Variants in SLC19A3 observed in about 807,000 individuals in gnomAD.
The protein encoded by SLC19A3 is thiamine transporter 2.
In SLC19A3, 31 loss-of-function variants were observed where a neutral mutation model predicts 40.2. The ratio of observed to expected loss-of-function variants is 0.77; its 90% CI spans 0.58 to 1.04. The LOEUF is 1.04. SLC19A3 is among the 50% of genes least tolerant of loss of function. The pLI is 0.00. For synonymous variants in SLC19A3, 212 were observed against 227.5 expected (o/e 0.93, Z 0.61); for missense variants, 592 against 596.7 (o/e 0.99, Z 0.08).
intron 1 of SLC19A3, 79 bp downstream of exon 1, chr2:227,717,864 G>C: frequency 2.6e-5 from 25 of 971,270 alleles, no homozygotes; most frequent in Non-Finnish European, 3.1e-5. Flanking sequence ...CTCCAAACCC[G>C]GGAAGAGAGA....
At chr2:227,688,097 A>G in intron 5 of SLC19A3, 69 bp downstream of exon 5, 1 of 1,526,284 alleles carries the variant, frequency 6.6e-7, no homozygotes. Flanking sequence ...AGAAATTTAA[A>G]TATTGCTTGT....
intron 3 of SLC19A3, among the ~76,000 whole-genome samples, chr2:227,696,940 C>T (rs1298651377): frequency 6.6e-6 from 1 of 152,092 alleles, no homozygotes; most frequent in Non-Finnish European, 1.5e-5. Flanking sequence ...TGGCGGGCAC[C>T]TGCAATCCCA....
intron 1 of SLC19A3, among the ~76,000 whole-genome samples, chr2:227,710,980 G>A (rs1696115645): frequency 6.6e-6 from 1 of 152,132 alleles, no homozygotes; most frequent in South Asian, 2.1e-4. Flanking sequence ...TACTAAAATA[G>A]AAGAGAATAT....
chr2:227,690,605 G>A (rs1250335830), intron 4 of SLC19A3, among the ~76,000 whole-genome samples: 1 of 149,642 alleles, frequency 6.7e-6, no homozygotes, highest in Non-Finnish European at 1.5e-5. Flanking sequence ...TACTCGGGAG[G>A]CTGAGGCAGG....
At chr2:227,715,678 A>G (rs113805837) in intron 1 of SLC19A3, among the ~76,000 whole-genome samples, 1,839 of 152,296 alleles carry the variant, frequency 0.012, 41 homozygotes, top group African/African-American at 0.042. Flanking sequence ...AGTCTTAGGG[A>G]GAGCAGGAGG....
rs146636922 is a variant in SLC19A3, at chr2:227,696,074, C to T, written c.987G>A (p.Val329=). 85 of 1,531,958 alleles carry T rather than the reference C, an allele frequency of 5.5e-5. 1 individual carries two copies. The African/African-American group carries it at 1.3e-3, about 23-fold the overall frequency. The allele number at this position is 1,531,958 out of a possible 1,614,324, so 94.9% of individuals were successfully genotyped here. A position where few individuals can be genotyped will look rare whatever the true frequency, so the allele number is the denominator to read the frequency against. The change falls in exon 4 of 6, where the codon GTG becomes GTA. Residue 329 remains valine, a synonymous_variant. Transcript: ENST00000644224. ...VEAIATFGGA[V]AAFAVGYVKV... Reference sequence around the variant, plus strand: ...TCACATAACCCACTGCAAAGGCAGCCACAGCCCCTGAAAAAAAACATTGAA... The same window carrying T: ...TCACATAACCCACTGCAAAGGCAGCTACAGCCCCTGAAAAAAAACATTGAA...
chr2:227,706,837 T>C (rs1393194333), intron 1 of SLC19A3: 1 of 152,372 alleles, frequency 6.6e-6, no homozygotes, highest in African/African-American at 2.4e-5. Flanking sequence ...ATTTGAAACA[T>C]GCAGTGAAGA....
intron 1 of SLC19A3, among the ~76,000 whole-genome samples, chr2:227,707,118 A>C (rs1695974392): frequency 6.6e-6 from 1 of 152,160 alleles, no homozygotes; most frequent in South Asian, 2.1e-4. Context: ...ACCCTGTTGC[A>C]GCACACCACA....
At chr2:227,708,977 G>A (rs540267005) in intron 1 of SLC19A3, among the ~76,000 whole-genome samples, 94 of 152,238 alleles carry the variant, frequency 6.2e-4, no homozygotes, top group Non-Finnish European at 1.1e-3. Context: ...CAATGTTCAC[G>A]TATTGTTCAT....
rs76478296 is a variant in SLC19A3 at position 227,692,730 on chromosome 2, G to A, written c.1172+3159C>T. 3.8e-4 allele frequency among the ~76,000 whole-genome samples: 58 copies of A among 152,270 alleles called. 2 individuals are homozygous for A. In the East Asian group the frequency reaches 0.011, roughly 29 times the overall value. On this transcript the variant is annotated intron_variant, in intron 4 of 5. Coordinates refer to ENST00000644224, the MANE Select transcript of SLC19A3 (RefSeq NM_025243.4). ...CAATCAGACAAGAGAAAGAAATAAA[G>A]GGCATCCACATTGGAAAGGATCAAG...
chr2:227,717,824 G>A (rs1007673316), intron 1 of SLC19A3, 119 bp downstream of exon 1: 15 of 782,490 alleles, frequency 1.9e-5, no homozygotes, highest in Middle Eastern at 6.3e-4. Flanking sequence ...TGTAGCCCAG[G>A]CCCGCAGAGC....
At chr2:227,697,299 G>A (rs1695476060) in intron 3 of SLC19A3, among the ~76,000 whole-genome samples, 1 of 152,086 alleles carries the variant, frequency 6.6e-6, no homozygotes, top group Non-Finnish European at 1.5e-5. Flanking sequence ...GAGGTCACAC[G>A]GGTTTTCTAA....
rs1277440566 is a variant in SLC19A3, at chr2:227,686,140, T to A, written c.*1257A>T. ...TGAACTCAGGAGGTGAAGTTTGCAG[T>A]GAGCCAAGATCACGCCATTGCATTC... On this transcript the variant is annotated 3_prime_UTR_variant, in exon 6 of 6. Transcript: ENST00000644224. 2.2e-6 allele frequency: 1 copy of A among 448,472 alleles called. No homozygotes were observed. The highest frequency in any genetic ancestry group is 4.5e-6 in the Non-Finnish European group (1 of 223,106). The allele number at this position is 448,472 out of a possible 1,614,324, so 27.8% of individuals were successfully genotyped here.
intron 1 of SLC19A3, 124 bp downstream of exon 1, chr2:227,717,819 C>T: frequency 1.3e-6 from 1 of 751,188 alleles, no homozygotes; most frequent in Non-Finnish European, 1.6e-6. Context: ...CAGAGTGTAG[C>T]CCAGGCCCGC....
chr2:227,688,207 C>T lies in SLC19A3; in HGVS notation c.1273G>A (p.Val425Ile), dbSNP rs1695092033. 6.2e-7 allele frequency: 1 copy of T among 1,614,084 alleles called. No individual in the cohort carries two copies. The highest frequency in any genetic ancestry group is 8.5e-7 in the Non-Finnish European group (1 of 1,179,978). ...LVIQTIMTVI[V>I]VDQRGLNLPV... ...AAGTTGAGCCCTCTCTGATCTACTA[C>T]AATCACAGTCATGATGGTCTGAATC... is the stretch of plus-strand genomic sequence containing the variant. The change falls in exon 5 of 6, where the codon GTA becomes ATA. Residue 425 changes from valine to isoleucine, a missense_variant. Val to Ile is a conservative substitution (Grantham distance 29). Transcript: ENST00000644224.
intron 5 of SLC19A3, 110 bp from the exon 6 acceptor site, chr2:227,687,683 G>C: frequency 9.2e-7 from 1 of 1,091,744 alleles, no homozygotes; most frequent in Non-Finnish European, 1.3e-6. Flanking sequence ...TGAGACCCAG[G>C]TTTTTAATAT....
Position 227,687,537 on chromosome 2 carries a change from C to T in SLC19A3, c.1351G>A (p.Gly451Arg). The change falls in exon 6 of 6, where the codon GGA (glycine) becomes AGA (arginine). Residue 451 changes from glycine to arginine, a missense_variant. Physicochemically the swap from Gly to Arg is moderately radical, Grantham distance 125. Coordinates refer to ENST00000644224, the MANE Select transcript of SLC19A3 (RefSeq NM_025243.4). ...TACATGCTTCTCATTAGGAAAATTCCAGCAATTACTGCAAAATAGCTCCCA... is the reference window on the plus strand; with the variant it reads ...TACATGCTTCTCATTAGGAAAATTCTAGCAATTACTGCAAAATAGCTCCCA... The part of the protein sequence containing the change: ...VYGSYFAVIA[G>R]IFLMRSMYIT... The T allele has an allele frequency of 6.2e-7, 1 of 1,614,016 alleles. No homozygotes were observed. Among genetic ancestry groups the T allele is most frequent in the South Asian group, 1.1e-5 (1 of 91,072 alleles).
chr2:227,708,890 G>A (rs1696043683), intron 1 of SLC19A3, among the ~76,000 whole-genome samples: 1 of 152,146 alleles, frequency 6.6e-6, no homozygotes, highest in Non-Finnish European at 1.5e-5. Context: ...TCCTGGGTTT[G>A]CTGCTGTATT....
intron 1 of SLC19A3, chr2:227,714,702 CCAAA>C: frequency 4.1e-6 from 1 of 245,234 alleles, no homozygotes; most frequent in Non-Finnish European, 5.4e-6. Context: ...GAAATCCCAT[CCAAA>C]AAAAAAAAAA....
Sources: gnomAD v4.1 joint callset for allele counts (sites outside exome capture counted in the v4.1 genomes callset) on GRCh38, gnomAD v4.1.1 for gene constraint, MANE v1.5 for transcripts, NCBI Gene and HGNC (gene_info 2026-07-23, HGNC 2026-07-21) for gene names.